The following CSMD3 variants were observed in gnomAD, a reference collection of about 807,000 sequenced individuals.
CSMD3 encodes CUB and Sushi multiple domains 3.
Under a neutral mutation model 435.2 loss-of-function variants are expected in CSMD3, and 177 were observed. The observed-to-expected ratio is 0.41, with a 90% CI of 0.36 to 0.46. CSMD3 has a LOEUF of 0.46. CSMD3 is among the 20% of genes least tolerant of loss of function. CSMD3 has a pLI of 0.34. For missense variants in CSMD3, 4,265 were observed against 4,504.6 expected (o/e 0.95, Z 1.52); for synonymous variants, 1,656 against 1,520.5 (o/e 1.09, Z -2.07).
At chr8:112,599,309 C>G (rs1339600826) in intron 22 of CSMD3, among the ~76,000 whole-genome samples, 2 of 150,912 alleles carry the variant, frequency 1.3e-5, no homozygotes, top group African/African-American at 4.9e-5. Context: ...CAAATCAAAA[C>G]CACAATGAGA....
intron 31 of CSMD3, among the ~76,000 whole-genome samples, chr8:112,489,223 G>A (rs1820441281): frequency 6.6e-6 from 1 of 151,998 alleles, no homozygotes; most frequent in Admixed American, 6.6e-5. Flanking sequence ...TTCGAGACCA[G>A]CCTGGGTAAC....
At chr8:112,781,348 A>G (rs964125715) in intron 13 of CSMD3, among the ~76,000 whole-genome samples, 1 of 152,088 alleles carries the variant, frequency 6.6e-6, no homozygotes. Context: ...ACTTGAGGAA[A>G]AAAGAGGAAA....
intron 38 of CSMD3, among the ~76,000 whole-genome samples, chr8:112,355,054 C>G (rs1826463288): frequency 6.6e-6 from 1 of 152,254 alleles, no homozygotes; most frequent in South Asian, 2.1e-4. Context: ...ATCCACACAT[C>G]CACAACTACT....
At chr8:112,995,173 TAGAA>T (rs1371347473) in intron 6 of CSMD3, among the ~76,000 whole-genome samples, 3 of 151,118 alleles carry the variant, frequency 2.0e-5, no homozygotes, top group South Asian at 2.1e-4. Flanking sequence ...AATGGGAAAA[TAGAA>T]AGATCATGTC....
At chr8:112,255,195 A>G (rs2130272130) in intron 62 of CSMD3, 59 bp downstream of exon 62, 1 of 1,390,834 alleles carries the variant, frequency 7.2e-7, no homozygotes, top group Non-Finnish European at 1.0e-6. Flanking sequence ...AAAACCATTA[A>G]ATGTCACCCC....
intron 9 of CSMD3, among the ~76,000 whole-genome samples, chr8:112,941,394 A>C (rs2083446886): frequency 6.6e-6 from 1 of 151,842 alleles, no homozygotes; most frequent in African/African-American, 2.4e-5. Flanking sequence ...AGAAAAACAC[A>C]TTATTGTAGA....
chr8:112,393,144 C>T (rs1343945126), intron 35 of CSMD3, among the ~76,000 whole-genome samples: 1 of 152,062 alleles, frequency 6.6e-6, no homozygotes, highest in Non-Finnish European at 1.5e-5. Context: ...CCTCAGCCTC[C>T]TAAAGTGCTA....
intron 22 of CSMD3, among the ~76,000 whole-genome samples, chr8:112,628,596 TAGTA>T (rs903720126): frequency 1.3e-5 from 2 of 152,198 alleles, no homozygotes; most frequent in African/African-American, 4.8e-5. Flanking sequence ...AAATGAAAGT[TAGTA>T]AGTTGAAAAT....
chr8:112,392,150 T>G (rs1586969165), intron 35 of CSMD3, among the ~76,000 whole-genome samples: 1 of 152,232 alleles, frequency 6.6e-6, no homozygotes, highest in African/African-American at 2.4e-5. Flanking sequence ...CTACAAATAT[T>G]ATTTTAGGTC....
intron 13 of CSMD3, among the ~76,000 whole-genome samples, chr8:112,759,595 C>A (rs1466127704): frequency 6.6e-6 from 1 of 152,056 alleles, no homozygotes; most frequent in Non-Finnish European, 1.5e-5. Flanking sequence ...AGCTACTAAA[C>A]AGCAATTGCA....
intron 3 of CSMD3, among the ~76,000 whole-genome samples, chr8:113,238,530 T>C (rs1012679702): frequency 1.3e-5 from 2 of 152,112 alleles, no homozygotes; most frequent in African/African-American, 2.4e-5. Flanking sequence ...GCAAAGCCTC[T>C]GTGGATCAAG....
intron 10 of CSMD3, among the ~76,000 whole-genome samples, chr8:112,889,691 A>ACT (rs1371818085): frequency 1.8e-4 from 27 of 151,816 alleles, no homozygotes; most frequent in Non-Finnish European, 8.9e-5. Context: ...GTGAAACAGA[A>ACT]AAGTTGGGAT....
intron 3 of CSMD3, among the ~76,000 whole-genome samples, chr8:113,222,031 GTA>G: frequency 1.6e-5 from 1 of 62,312 alleles, no homozygotes; most frequent in South Asian, 4.4e-4. Context: ...TGAAGGTTAA[GTA>G]AATGCATGAA....
intron 5 of CSMD3, among the ~76,000 whole-genome samples, chr8:113,086,022 G>A (rs974120276): frequency 6.6e-6 from 1 of 152,048 alleles, no homozygotes; most frequent in Non-Finnish European, 1.5e-5. Context: ...TGGATCACGA[G>A]GTCAGGAGAT....
chr8:112,359,632 C>A (rs914375441), intron 38 of CSMD3, among the ~76,000 whole-genome samples: 8 of 151,916 alleles, frequency 5.3e-5, no homozygotes, highest in Non-Finnish European at 1.0e-4. Flanking sequence ...TGACATTTAA[C>A]AATAGAAAAT....
intron 1 of CSMD3, among the ~76,000 whole-genome samples, chr8:113,414,018 C>T (rs142056514): frequency 1.1e-3 from 169 of 152,216 alleles, no homozygotes; most frequent in African/African-American, 4.0e-3. Context: ...AAATAGGAGA[C>T]AGTAACAAAA....
At chr8:113,248,472 T>TA (rs2093300498) in intron 3 of CSMD3, among the ~76,000 whole-genome samples, 1 of 137,212 alleles carries the variant, frequency 7.3e-6, no homozygotes, top group South Asian at 2.2e-4. Context: ...GTGTGTGATA[T>TA]ATATGTATAT....
intron 23 of CSMD3, among the ~76,000 whole-genome samples, chr8:112,584,283 G>T (rs1230552835): frequency 6.6e-6 from 1 of 151,668 alleles, no homozygotes; most frequent in East Asian, 1.9e-4. Context: ...ATTCCCACAT[G>T]TAGAGGAACT....
At chr8:113,043,926 T>C (rs2087725493) in intron 5 of CSMD3, among the ~76,000 whole-genome samples, 1 of 152,048 alleles carries the variant, frequency 6.6e-6, no homozygotes, top group South Asian at 2.1e-4. Flanking sequence ...TTCCATCACA[T>C]ATCCTAGGAT....
Sources: gnomAD v4.1 joint callset for allele counts (sites outside exome capture counted in the v4.1 genomes callset) on GRCh38, gnomAD v4.1.1 for gene constraint, MANE v1.5 for transcripts, NCBI Gene and HGNC (gene_info 2026-07-23, HGNC 2026-07-21) for gene names.